UGGT2: variants seen among roughly 807,000 people sequenced by gnomAD.
UGGT2 encodes the protein UDP-glucose glycoprotein glucosyltransferase 2.
In UGGT2, 180 loss-of-function variants were observed where a neutral mutation model predicts 192.1. The ratio of observed to expected loss-of-function variants is 0.94; its 90% CI spans 0.83 to 1.06. UGGT2 has a LOEUF of 1.06. Ranked by LOEUF, UGGT2 falls within the 50% of genes least tolerant of loss-of-function variation. UGGT2 has a pLI of 0.00. For synonymous variants in UGGT2, 580 were observed against 591.0 expected (o/e 0.98, Z 0.27); for missense variants, 1,849 against 1,795.7 (o/e 1.03, Z -0.54).
chr13:95,915,733 C>G (rs1318763237), intron 20 of UGGT2, among the ~76,000 whole-genome samples: 1 of 152,152 alleles, frequency 6.6e-6, no homozygotes, highest in African/African-American at 2.4e-5. Flanking sequence ...TCCAAACAGT[C>G]CAGACAAGGA....
chr13:95,929,645 T>C (rs1594359212), intron 17 of UGGT2, among the ~76,000 whole-genome samples: 2 of 152,194 alleles, frequency 1.3e-5, no homozygotes, highest in African/African-American at 4.8e-5. Flanking sequence ...GTGCGTAGTA[T>C]TCCATGGTGT....
intron 30 of UGGT2, among the ~76,000 whole-genome samples, chr13:95,866,831 T>A (rs1039684317): frequency 6.6e-6 from 1 of 152,152 alleles, no homozygotes; most frequent in African/African-American, 2.4e-5. Flanking sequence ...ATTTTCCCTT[T>A]AATTTTGGTT....
At chr13:95,972,723 A>G in intron 10 of UGGT2, 52 bp from the exon 11 acceptor site, 3 of 1,299,294 alleles carry the variant, frequency 2.3e-6, no homozygotes, top group African/African-American at 1.5e-5. Context: ...ATAGTGACCT[A>G]TATTAGGGGT....
Position 96,013,274 on chromosome 13 carries a change from C to T in UGGT2, c.660+33G>A, listed in dbSNP as rs745569553. ...TCATAATAATTGTTTTTTTCTACAG[C>T]CAAAAGCAACCTTGGAAAAAACAAG... On this transcript the variant is annotated intron_variant, in intron 5 of 38. Transcript: ENST00000376747. 2.0e-6 allele frequency: 3 copies of T among 1,519,308 alleles called. No homozygotes were observed. In the East Asian group the frequency reaches 7.6e-5, roughly 38 times the overall value. 94.1% of individuals were successfully genotyped at this position (1,519,308 alleles called of 1,614,324 possible). A position where few individuals can be genotyped will look rare whatever the true frequency, so the allele number is the denominator to read the frequency against.
chr13:95,983,532 C>T (rs779032929), intron 10 of UGGT2: 1 of 516,572 alleles, frequency 1.9e-6, no homozygotes, highest in South Asian at 1.6e-5. Context: ...ATAATTAACT[C>T]ACAGCCTTTA....
intron 38 of UGGT2, among the ~76,000 whole-genome samples, chr13:95,818,363 C>T (rs909967278): frequency 1.3e-5 from 2 of 152,132 alleles, no homozygotes; most frequent in Non-Finnish European, 2.9e-5. Context: ...AACAACATGG[C>T]GGCAGCTTAT....
chr13:96,016,598 A>G (rs533945078), intron 4 of UGGT2, among the ~76,000 whole-genome samples: 1 of 152,342 alleles, frequency 6.6e-6, no homozygotes, highest in East Asian at 1.9e-4. Context: ...GCAAGCATGA[A>G]GGAGGCTTGG....
intron 35 of UGGT2, 120 bp downstream of exon 35, chr13:95,854,195 T>G (rs757548700): frequency 9.7e-7 from 1 of 1,036,224 alleles, no homozygotes; most frequent in South Asian, 1.7e-5. Flanking sequence ...ATGAACACTA[T>G]GTAATTGGTT....
chr13:95,866,970 A>G (rs1404919062), intron 30 of UGGT2, among the ~76,000 whole-genome samples: 1 of 152,096 alleles, frequency 6.6e-6, no homozygotes, highest in Non-Finnish European at 1.5e-5. Flanking sequence ...AGAATCTGCT[A>G]TCATTAAAAA....
chr13:95,972,680 A>G lies in UGGT2; in HGVS notation c.1093-9T>C. On this transcript the variant is annotated splice_polypyrimidine_tract_variant and intron_variant, in intron 10 of 38. Coordinates refer to ENST00000376747, the MANE Select transcript of UGGT2 (RefSeq NM_020121.4). ...AATCTAACTTGAAGATCCTTGAAGT[A>G]GAGCAAAGCAATAGTTAACCAGTGA... The G allele has an allele frequency of 6.2e-7, 1 of 1,602,726 alleles. No individual in the cohort carries two copies. Among genetic ancestry groups the G allele is most frequent in the Non-Finnish European group, 8.5e-7 (1 of 1,170,172 alleles).
At chr13:95,883,462 C>T (rs985316737) in intron 27 of UGGT2, among the ~76,000 whole-genome samples, 1 of 152,122 alleles carries the variant, frequency 6.6e-6, no homozygotes, top group Admixed American at 6.5e-5. Flanking sequence ...TGTGTACCCA[C>T]CCAAATCTCA....
At chr13:96,023,539 A>C in intron 3 of UGGT2, 90 bp downstream of exon 3, 1 of 1,356,716 alleles carries the variant, frequency 7.4e-7, no homozygotes, top group Non-Finnish European at 9.8e-7. Flanking sequence ...CTTGTAGATC[A>C]TTTTGAACTA....
chr13:95,855,453 A>G (rs1161143890), intron 34 of UGGT2, among the ~76,000 whole-genome samples: 1 of 149,690 alleles, frequency 6.7e-6, no homozygotes, highest in Non-Finnish European at 1.5e-5. Flanking sequence ...AGGAAAAGTC[A>G]TAATTTTTGG....
At chr13:95,907,919 G>T (rs748126080) in intron 20 of UGGT2, among the ~76,000 whole-genome samples, 21 of 152,186 alleles carry the variant, frequency 1.4e-4, no homozygotes, top group Non-Finnish European at 2.9e-4. Flanking sequence ...ACAGAAGTAG[G>T]CTTCAGAAGG....
At chr13:96,016,296 T>C (rs531987576) in intron 4 of UGGT2, among the ~76,000 whole-genome samples, 14 of 152,282 alleles carry the variant, frequency 9.2e-5, no homozygotes, top group African/African-American at 2.9e-4. Context: ...CTAGAGAGAT[T>C]TGCATGACTA....
At chr13:95,996,373 G>T (rs1196355919) in intron 6 of UGGT2, among the ~76,000 whole-genome samples, 1 of 151,964 alleles carries the variant, frequency 6.6e-6, no homozygotes, top group African/African-American at 2.4e-5. Flanking sequence ...GTGGTGGTGT[G>T]CGCCTGCAGT....
At chr13:95,813,986 T>C (rs901848788) in intron 38 of UGGT2, among the ~76,000 whole-genome samples, 1 of 152,078 alleles carries the variant, frequency 6.6e-6, no homozygotes, top group Non-Finnish European at 1.5e-5. Flanking sequence ...GCATGCAGAG[T>C]GCAAGAGTGA....
chr13:95,958,300 C>T (rs1372472425), intron 12 of UGGT2, among the ~76,000 whole-genome samples: 4 of 152,106 alleles, frequency 2.6e-5, no homozygotes, highest in Admixed American at 6.5e-5. Flanking sequence ...TACAGACGCC[C>T]GCCACCATGC....
intron 17 of UGGT2, among the ~76,000 whole-genome samples, chr13:95,929,224 A>G (rs1283904375): frequency 6.6e-6 from 1 of 152,154 alleles, no homozygotes; most frequent in Non-Finnish European, 1.5e-5. Context: ...AAAAATTACA[A>G]CTTTTTCCAA....
Sources: gnomAD v4.1 joint callset for allele counts (sites outside exome capture counted in the v4.1 genomes callset) on GRCh38, gnomAD v4.1.1 for gene constraint, MANE v1.5 for transcripts, NCBI Gene and HGNC (gene_info 2026-07-23, HGNC 2026-07-21) for gene names.